The following TUT4 variants were observed in gnomAD, a reference collection of about 807,000 sequenced individuals.
The protein encoded by TUT4 is terminal uridylyltransferase 4.
TUT4 carries 36 observed loss-of-function variants against 192.2 expected under a neutral mutation model. That is an observed-to-expected ratio of 0.19 (90% CI 0.14 to 0.25). The LOEUF (loss-of-function observed/expected upper bound fraction) is 0.25. TUT4 is among the 10% of genes least tolerant of loss of function. TUT4 has a pLI of 1.00. For synonymous variants in TUT4, 618 were observed against 666.0 expected, an observed-to-expected ratio of 0.93 and a Z score of 1.11; for missense variants, 1,493 against 1,957.2, an observed-to-expected ratio of 0.76 and a Z score of 4.47.
intron 1 of TUT4, among the ~76,000 whole-genome samples, chr1:52,528,509 T>G (rs1318122496): frequency 1.4e-5 from 2 of 146,478 alleles, no homozygotes; most frequent in Non-Finnish European, 3.0e-5. Flanking sequence ...AAAAAAAAAG[T>G]GATTTTATTA....
chr1:52,435,638 A>C (rs1404068366), intron 26 of TUT4, among the ~76,000 whole-genome samples, 173 bp from the exon 27 acceptor site: 1 of 152,250 alleles, frequency 6.6e-6, no homozygotes, highest in East Asian at 1.9e-4. Context: ...TGAGCTACTT[A>C]ATTTTAAAAG....
chr1:52,483,640 T>A (rs886119262), intron 9 of TUT4, among the ~76,000 whole-genome samples: 32 of 152,096 alleles, frequency 2.1e-4, no homozygotes, highest in African/African-American at 7.0e-4. Context: ...TGAAACCCTG[T>A]CTCTACTAAA....
intron 2 of TUT4, among the ~76,000 whole-genome samples, chr1:52,519,755 C>T (rs568867151): frequency 5.3e-5 from 8 of 152,226 alleles, no homozygotes; most frequent in Non-Finnish European, 7.4e-5. Flanking sequence ...GTGATCCACT[C>T]GCCTCTGCCT....
At chr1:52,534,566 G>A (rs1057436983) in intron 1 of TUT4, among the ~76,000 whole-genome samples, 58 of 151,756 alleles carry the variant, frequency 3.8e-4, no homozygotes, top group African/African-American at 1.3e-3. Flanking sequence ...AAAATTCTAG[G>A]TTAGGGCCAG....
intron 2 of TUT4, among the ~76,000 whole-genome samples, chr1:52,522,433 CACTT>C (rs1186749620): frequency 6.6e-6 from 1 of 152,182 alleles, no homozygotes; most frequent in African/African-American, 2.4e-5. Context: ...TGGATTATTT[CACTT>C]AATCTTCATA....
intron 2 of TUT4, among the ~76,000 whole-genome samples, chr1:52,522,463 T>C (rs1024804574): frequency 5.3e-5 from 8 of 152,180 alleles, no homozygotes; most frequent in African/African-American, 1.4e-4. Context: ...GGCAGCAGCA[T>C]CTCCACTTTT....
At chr1:52,471,009 T>C (rs1006225473) in intron 14 of TUT4, among the ~76,000 whole-genome samples, 4 of 73,232 alleles carry the variant, frequency 5.5e-5, no homozygotes, top group Non-Finnish European at 9.7e-5. Flanking sequence ...CACTCTATGC[T>C]TTTTTTTTTT....
intron 16 of TUT4, chr1:52,463,424 T>C (rs772358684): frequency 1.5e-4 from 154 of 1,016,916 alleles, no homozygotes; most frequent in Non-Finnish European, 1.8e-4. Context: ...CAACTTCTTA[T>C]GGCCAGAAGT....
chr1:52,520,345 G>C (rs537872151), intron 2 of TUT4, among the ~76,000 whole-genome samples: 6 of 152,272 alleles, frequency 3.9e-5, no homozygotes, highest in Admixed American at 3.9e-4. Flanking sequence ...ATTTTAACAG[G>C]ATCATTCTGC....
intron 20 of TUT4, among the ~76,000 whole-genome samples, chr1:52,455,730 GGAAA>G (rs1436801755): frequency 6.6e-6 from 1 of 151,522 alleles, no homozygotes; most frequent in Non-Finnish European, 1.5e-5. Flanking sequence ...TACACCTAAA[GGAAA>G]GAAAGAAAGA....
At position 52,512,465 on chromosome 1, in the gene TUT4, G is replaced by T. The variant is rs374837328; in HGVS notation, c.883-2753C>A. ...TCCAAGGTTATCCAACCAATAAGTG[G>T]CAGAGCTAGACCCAATGACTCCAAA... On this transcript the variant is annotated intron_variant, in intron 3 of 29. Coordinates refer to ENST00000257177, the MANE Select transcript of TUT4 (RefSeq NM_001009881.3). 3.3e-5 allele frequency among the ~76,000 whole-genome samples: 5 copies of T among 152,248 alleles called. No individual in the cohort carries two copies. In the South Asian group the frequency reaches 8.3e-4, roughly 25 times the overall value.
intron 28 of TUT4, among the ~76,000 whole-genome samples, chr1:52,428,651 T>G (rs61782547): frequency 1.5e-5 from 2 of 135,396 alleles, no homozygotes; most frequent in South Asian, 4.6e-4. Context: ...AAAAAAAAAT[T>G]CCGGGCATGG....
chr1:52,431,038 T>C lies in TUT4; in HGVS notation c.4686A>G (p.Val1562=), dbSNP rs772775984. ...CTGAATTCCCCACTGCACCACTGTT[T>C]ACCAGGGAATTTGGAGCCACAGTAC... ...WPRTVAPNSL[V]NSGAVGNSEP... is the part of the protein sequence containing the mutation. Residue 1562 remains valine, a synonymous_variant, in exon 28 of 30, where the codon GTA becomes GTG. Transcript: ENST00000257177. 41 of 1,599,612 alleles carry C rather than the reference T, an allele frequency of 2.6e-5. No homozygotes were observed. The highest frequency in any genetic ancestry group is 3.1e-5 in the Non-Finnish European group (36 of 1,168,880).
chr1:52,514,000 T>C (rs1457276255), intron 3 of TUT4, among the ~76,000 whole-genome samples: 2 of 152,206 alleles, frequency 1.3e-5, no homozygotes, highest in Non-Finnish European at 2.9e-5. Context: ...AATTGAATTA[T>C]TTTACCAGGT....
At chr1:52,480,032 T>G (rs529769684) in intron 11 of TUT4, among the ~76,000 whole-genome samples, 1 of 148,894 alleles carries the variant, frequency 6.7e-6, no homozygotes, top group South Asian at 2.1e-4. Flanking sequence ...CTATTAGATA[T>G]CTAAGTAGAG....
chr1:52,443,684 G>C (rs903269784), intron 24 of TUT4, among the ~76,000 whole-genome samples: 2 of 151,588 alleles, frequency 1.3e-5, no homozygotes, highest in African/African-American at 4.8e-5. Context: ...GATCACTTGA[G>C]CCTAGGTGTC....
intron 7 of TUT4, among the ~76,000 whole-genome samples, chr1:52,491,906 A>G (rs1671258273): frequency 6.6e-6 from 1 of 152,224 alleles, no homozygotes; most frequent in South Asian, 2.1e-4. Flanking sequence ...ACAAATATAT[A>G]AACATATAAA....
At chr1:52,537,269 G>A (rs1004399427) in intron 1 of TUT4, among the ~76,000 whole-genome samples, 2 of 152,018 alleles carry the variant, frequency 1.3e-5, no homozygotes, top group South Asian at 2.1e-4. Context: ...AAAGAGCAAA[G>A]GCGTTATAAG....
chr1:52,553,277 GGTTCAGGGGTGCCCCCTCCCTTC>G (rs1558055967), upstream of TUT4, among the ~76,000 whole-genome samples: 1 of 150,198 alleles, frequency 6.7e-6, no homozygotes, highest in Non-Finnish European at 1.5e-5. Flanking sequence ...CAGAGGGAAG[GGTTCAGGGGTGCCCCCTCCCTTC>G]GTTCGGGGGG....
Sources: gnomAD v4.1 joint callset for allele counts (sites outside exome capture counted in the v4.1 genomes callset) on GRCh38, gnomAD v4.1.1 for gene constraint, MANE v1.5 for transcripts, NCBI Gene and HGNC (gene_info 2026-07-23, HGNC 2026-07-21) for gene names.